FOXN3: variants seen among roughly 807,000 people sequenced by gnomAD.
FOXN3 encodes forkhead box protein N3.
Under a neutral mutation model 38.4 loss-of-function variants are expected in FOXN3, and 7 were observed. The ratio of observed to expected loss-of-function variants is 0.18; its 90% CI spans 0.10 to 0.34. FOXN3 has a LOEUF of 0.34. Ranked by LOEUF, FOXN3 falls within the 10% of genes least tolerant of loss-of-function variation. FOXN3 has a pLI of 1.00. For synonymous variants in FOXN3, 230 were observed against 242.2 expected (o/e 0.95, Z 0.47); for missense variants, 456 against 613.4 (o/e 0.74, Z 2.71).
intron 1 of FOXN3, among the ~76,000 whole-genome samples, chr14:89,435,699 C>A (rs1261717343): frequency 6.6e-6 from 1 of 152,310 alleles, no homozygotes; most frequent in Admixed American, 6.5e-5. Flanking sequence ...TCTTGAGAAA[C>A]CCTCAGCTAT....
At chr14:89,514,480 G>A (rs1003133925) in intron 1 of FOXN3, among the ~76,000 whole-genome samples, 1 of 152,150 alleles carries the variant, frequency 6.6e-6, no homozygotes, top group African/African-American at 2.4e-5. Context: ...AATTGCCCAG[G>A]AAAGTTCGTT....
In FOXN3 at chr14:89,503,935, C is replaced by T. The variant is rs563469541; in HGVS notation, c.-14-91445G>A. Among the ~76,000 whole-genome samples, 111 of 152,336 alleles carry T rather than the reference C, an allele frequency of 7.3e-4. No individual in the cohort carries two copies. In the South Asian group the frequency reaches 0.022, roughly 30 times the overall value. On this transcript the variant is annotated intron_variant, in intron 1 of 6. Transcript: ENST00000345097. ...AAACAGGCTCTAATATCAAGCCCAT[C>T]GGATTTGCCCCTTACTTCTATTTAT... is the stretch of plus-strand genomic sequence containing the variant.
chr14:89,295,396 T>C (rs571126735), intron 3 of FOXN3, among the ~76,000 whole-genome samples: 1 of 152,302 alleles, frequency 6.6e-6, no homozygotes, highest in East Asian at 1.9e-4. Context: ...AACCCACAGG[T>C]ATGTGTGTCT....
rs766663156 is a variant in FOXN3 at position 89,162,600 on chromosome 14, C to A, written c.1221G>T (p.Lys407Asn). ...KKRQHFAKAR[K>N]VPSDTLPLKK... ...TGAGGGGCAGTGTGTCGCTGGGGAC[C>A]TTCCTGGCCTTGGCGAAGTGCTGGC... Residue 407 changes from lysine to asparagine, a missense_variant, in exon 6 of 6, where the codon AAG (lysine) becomes AAT (asparagine). By Grantham distance (94) the Lys-to-Asn change is moderately conservative. This residue lies in a region of FOXN3 where 386 missense variants were observed against 505.2 expected (regional missense o/e 0.76). Transcript: ENST00000557258. The surrounding 1 kb of genome is among the most constrained non-coding windows in gnomAD (Gnocchi z 7.2). 1.2e-6 allele frequency: 2 copies of A among 1,613,868 alleles called. No homozygotes were observed. Among genetic ancestry groups the A allele is most frequent in the African/African-American group, 1.3e-5 (1 of 74,854 alleles).
At chr14:89,504,964 C>T (rs1017093600) in intron 1 of FOXN3, among the ~76,000 whole-genome samples, 1 of 152,178 alleles carries the variant, frequency 6.6e-6, no homozygotes, top group African/African-American at 2.4e-5. Context: ...CCCAACAGAA[C>T]TTCATGCATC....
chr14:89,297,465 C>G (rs1011285179), intron 3 of FOXN3, among the ~76,000 whole-genome samples: 2 of 150,748 alleles, frequency 1.3e-5, no homozygotes, highest in Non-Finnish European at 2.9e-5. Flanking sequence ...GAGGCTGAGG[C>G]GAGAGAATGG....
rs755038818 is a variant in FOXN3, at chr14:89,163,486, G to A, written c.852-517C>T. On this transcript the variant is annotated intron_variant, in intron 5 of 5. Coordinates refer to ENST00000557258, the MANE Select transcript of FOXN3 (RefSeq NM_005197.4). The surrounding 1 kb of genome is among the most constrained non-coding windows in gnomAD (Gnocchi z 4.3). ...TACTCACTCATGCATTCCCTCCCTC[G>A]TTCATGCAATCTACAAATACTCACT... Among the ~76,000 whole-genome samples, 14 of 152,070 alleles carry A rather than the reference G, an allele frequency of 9.2e-5. No homozygotes were observed. The highest frequency in any genetic ancestry group is 1.8e-4 in the Non-Finnish European group (12 of 68,014).
At chr14:89,177,012 T>TC (rs1491077042) in intron 5 of FOXN3, among the ~76,000 whole-genome samples, 1,695 of 13,502 alleles carry the variant, frequency 0.13, 17 homozygotes, top group Middle Eastern at 0.19. Flanking sequence ...TTTCTTTCTT[T>TC]TTTTTTTTTT....
chr14:89,271,889 C>A (rs1038117615), intron 4 of FOXN3, among the ~76,000 whole-genome samples: 5 of 152,194 alleles, frequency 3.3e-5, no homozygotes, highest in African/African-American at 1.2e-4. Flanking sequence ...AATATTTATG[C>A]CATTTTGAAG....
rs547884298 is a variant in FOXN3 at position 89,564,366 on chromosome 14, ACTCAAAT to A, written c.-15+54655_-15+54661del. On this transcript the variant is annotated intron_variant, in intron 1 of 6. Coordinates refer to the FOXN3 transcript ENST00000345097. ...GAATCTCTACAAATAAATGTCCGCA[ACTCAAAT>A]CTCGTCTCTGAATTCTTTCTAACTT... 3.8e-3 allele frequency among the ~76,000 whole-genome samples: 583 copies of A among 152,282 alleles called. 6 individuals carry two copies. Among genetic ancestry groups the A allele is most frequent in the African/African-American group, 0.013 (558 of 41,538 alleles).
At chr14:89,406,094 G>A (rs1329807069) in intron 2 of FOXN3, among the ~76,000 whole-genome samples, 7 of 152,216 alleles carry the variant, frequency 4.6e-5, no homozygotes, top group African/African-American at 9.6e-5. Context: ...CTACAGGTGC[G>A]TGCCACAATG....
intron 1 of FOXN3, among the ~76,000 whole-genome samples, chr14:89,511,173 C>CTTTCT (rs1894060551): frequency 4.9e-5 from 2 of 40,622 alleles, no homozygotes; most frequent in African/African-American, 1.5e-4. Context: ...TTCTTTCTTT[C>CTTTCT]TTTCTTTCTT....
intron 1 of FOXN3, among the ~76,000 whole-genome samples, chr14:89,447,295 C>A (rs1328442887): frequency 1.3e-5 from 2 of 151,908 alleles, no homozygotes. Context: ...CCAAATTGGT[C>A]TCTGTAAAGA....
chr14:89,476,112 G>A (rs1466910900), intron 1 of FOXN3, among the ~76,000 whole-genome samples: 2 of 152,152 alleles, frequency 1.3e-5, no homozygotes, highest in Admixed American at 6.5e-5. Flanking sequence ...ACTGAGGAAT[G>A]GGTTTAAACT....
rs1189884211 is a variant in FOXN3, at chr14:89,567,741, T to A, written c.-15+51287A>T. 5.9e-5 allele frequency among the ~76,000 whole-genome samples: 7 copies of A among 119,030 alleles called. No individual in the cohort carries two copies. In the South Asian group the frequency reaches 1.6e-3, roughly 27 times the overall value. The allele number at this position is 119,030 out of a possible 152,430, so 78.1% of individuals were successfully genotyped here. ...CGTTGATTTTTTTTTTTTTTTTTTT[T>A]AGACAGAGTCTCGCTCTGTCTCCCA... On this transcript the variant is annotated intron_variant, in intron 1 of 6. Transcript: ENST00000345097.
chr14:89,218,157 C>T (rs901278807), intron 4 of FOXN3, among the ~76,000 whole-genome samples: 7 of 152,324 alleles, frequency 4.6e-5, no homozygotes, highest in South Asian at 4.1e-4. Context: ...GGCCCCTCTC[C>T]GCCATGCCTG....
chr14:89,611,784 C>T (rs1001806294), intron 1 of FOXN3, among the ~76,000 whole-genome samples: 7 of 133,144 alleles, frequency 5.3e-5, no homozygotes, highest in Non-Finnish European at 9.2e-5. Flanking sequence ...CCAGCCTGGG[C>T]GACAGAGTGA....
At chr14:89,366,660 A>G (rs1486971567) in intron 2 of FOXN3, among the ~76,000 whole-genome samples, 1 of 152,188 alleles carries the variant, frequency 6.6e-6, no homozygotes, top group Non-Finnish European at 1.5e-5. Context: ...AAGCATATTG[A>G]ATGAAGTGGA....
At chr14:89,488,752 C>G (rs963457416) in intron 1 of FOXN3, among the ~76,000 whole-genome samples, 1 of 152,048 alleles carries the variant, frequency 6.6e-6, no homozygotes, top group African/African-American at 2.4e-5. Flanking sequence ...AGAACACACA[C>G]ACAAAATTTT....
Sources: allele counts gnomAD v4.1 joint callset (sites outside exome capture counted in the v4.1 genomes callset), GRCh38; gene constraint gnomAD v4.1.1; regional missense constraint gnomAD v4.1.1; non-coding constraint Gnocchi (gnomAD v3.1); transcripts MANE v1.5; gene names NCBI Gene and HGNC (gene_info 2026-07-23, HGNC 2026-07-21).